Variants in ANXA6 observed in about 807,000 individuals in gnomAD.
ANXA6 encodes the protein annexin A6, also known as 67 kDa calelectrin.
A neutral mutation model predicts 95.4 loss-of-function variants in ANXA6; 71 were observed. The ratio of observed to expected loss-of-function variants is 0.74; its 90% CI spans 0.61 to 0.91. The LOEUF is 0.91. Among genes scored for constraint, ANXA6 ranks in the 40% least tolerant of loss-of-function variants. The pLI is 0.00. For synonymous variants in ANXA6, 289 were observed against 315.9 expected (o/e 0.91, Z 0.90); for missense variants, 830 against 876.4 (o/e 0.95, Z 0.67).
rs1765383918 is a variant in ANXA6 at position 151,128,217 on chromosome 5, T to C, written c.941A>G (p.Lys314Arg). 2 of 1,612,194 alleles carry C rather than the reference T, an allele frequency of 1.2e-6. No homozygotes were observed. The highest frequency in any genetic ancestry group is 8.5e-7 in the Non-Finnish European group (1 of 1,179,270). Residue 314 changes from lysine to arginine, a missense_variant, in exon 13 of 26, where the codon AAG becomes AGG. Coordinates refer to ENST00000354546, the MANE Select transcript of ANXA6 (RefSeq NM_001155.5). ...MIKNDTSGEY[K>R]KTLLKLSGGD... ...CCCAGACAGCTTCAGCAGAGTCTTCTTGTACTCGCCAGAGGTGTCATTCTG... is the reference window on the plus strand; with the variant it reads ...CCCAGACAGCTTCAGCAGAGTCTTCCTGTACTCGCCAGAGGTGTCATTCTG...
chr5:151,101,054 T>C lies in ANXA6; in HGVS notation c.*394A>G. ...CTTCCCACCACCCCGCCCAGCACAT[T>C]CAACTGGCCCCTGCCACCAACCCCC... On this transcript the variant is annotated 3_prime_UTR_variant, in exon 26 of 26. Transcript: ENST00000354546. 2.1e-6 allele frequency: 1 copy of C among 473,344 alleles called. No individual in the cohort carries two copies. Among genetic ancestry groups the C allele is most frequent in the Non-Finnish European group, 4.2e-6 (1 of 238,396 alleles). The allele number at this position is 473,344 out of a possible 1,614,324, so 29.3% of individuals were successfully genotyped here.
rs1252414140 is a variant in ANXA6, at chr5:151,133,155, T to C, written c.579A>G (p.Gly193=). The C allele has an allele frequency of 1.9e-6, 3 of 1,597,216 alleles. 1 individual carries two copies. The South Asian group carries it at 3.4e-5, about 18-fold the overall frequency. The change falls in exon 9 of 26, where the codon GGA becomes GGG. Residue 193 remains glycine, a synonymous_variant. Coordinates refer to ENST00000354546, the MANE Select transcript of ANXA6 (RefSeq NM_001155.5). ...TGTAAATGAACTGGGCTTCATCTGTTCCCCATTTCAGTTCCCCTGCCTCGT... is the reference window on the plus strand; with the variant it reads ...TGTAAATGAACTGGGCTTCATCTGTCCCCCATTTCAGTTCCCCTGCCTCGT... ...DLYEAGELKW[G]TDEAQFIYIL... is the part of the protein sequence containing the mutation.
chr5:151,110,068 C>A (rs1764807820), intron 21 of ANXA6, among the ~76,000 whole-genome samples: 1 of 152,166 alleles, frequency 6.6e-6, no homozygotes, highest in Non-Finnish European at 1.5e-5. Context: ...ACAAAGATGG[C>A]CTTAGCACTG....
intron 2 of ANXA6, among the ~76,000 whole-genome samples, chr5:151,145,449 T>A (rs761362169): frequency 6.6e-6 from 1 of 152,214 alleles, no homozygotes; most frequent in Admixed American, 6.5e-5. Context: ...CACAGCGCCA[T>A]GCCTCCTGGG....
Position 151,132,490 on chromosome 5 carries a change from A to G in ANXA6, c.722T>C (p.Leu241Pro). Residue 241 changes from leucine to proline, a missense_variant, in exon 10 of 26, where the codon CTA becomes CCA. Transcript: ENST00000354546. Reference protein sequence around the residue: ...RGELSGDFEKLMLAVVKCIRS... With the variant: ...RGELSGDFEKPMLAVVKCIRS... ...TCAGGACATACCTACGGCCAGCATT[A>G]GCTTCTCAAAGTCCCCAGACAGCTC... 6.2e-7 allele frequency: 1 copy of G among 1,612,610 alleles called. No individual in the cohort carries two copies. Among genetic ancestry groups the G allele is most frequent in the Non-Finnish European group, 8.5e-7 (1 of 1,179,422 alleles).
At chr5:151,104,313 A>G (rs1052568826) in intron 24 of ANXA6, among the ~76,000 whole-genome samples, 1 of 152,108 alleles carries the variant, frequency 6.6e-6, no homozygotes, top group African/African-American at 2.4e-5. Flanking sequence ...GGAAACTACC[A>G]CCGGGCCCAA....
At chr5:151,117,316 T>A (rs1765029147) in intron 19 of ANXA6, 136 bp from the exon 20 acceptor site, 3 of 805,436 alleles carry the variant, frequency 3.7e-6, no homozygotes, top group Middle Eastern at 2.4e-4. Flanking sequence ...AAATCCTGCC[T>A]CTATAAGGTA....
chr5:151,134,523 A>C lies in ANXA6; in HGVS notation c.490-40T>G, dbSNP rs759103349. 6.2e-6 allele frequency: 10 copies of C among 1,610,596 alleles called. No homozygotes were observed. The South Asian group carries it at 1.1e-4, about 18-fold the overall frequency. On this transcript the variant is annotated intron_variant, in intron 7 of 25. Transcript: ENST00000354546. ...AAAGAACATGTGTTTCAAACACTGC[A>C]AAGTCAGGAGGGAGGCCTGGATGCC...
rs1765694020 is a variant in ANXA6, at chr5:151,137,315, C to T, written c.325G>A (p.Gly109Ser). 5.0e-6 allele frequency: 8 copies of T among 1,612,406 alleles called. No individual in the cohort carries two copies. The highest frequency in any genetic ancestry group is 6.8e-6 in the Non-Finnish European group (8 of 1,179,326). ...TCAATGAGGCACTTCTCATCAGTGC[C>T]AATGCCCTGGGGGTAGAAAAAGAGC... ...KEIKDAISGIGTDEKCLIEIL... is the reference protein window; with the variant it reads ...KEIKDAISGISTDEKCLIEIL... Residue 109 changes from glycine (G) to serine (S), a missense_variant, in exon 6 of 26, where the codon GGC (glycine) becomes AGC (serine). Transcript: ENST00000354546.
Position 151,137,215 on chromosome 5 carries a change from C to T in ANXA6, c.409+16G>A, listed in dbSNP as rs748255325. ...TGTATCTGAAGATCCTAAGCGGCCC[C>T]TCCTGCCCATCTCACCATCTTTGTA... On this transcript the variant is annotated intron_variant, in intron 6 of 25. Transcript: ENST00000354546. 3 of 1,611,740 alleles carry T rather than the reference C, an allele frequency of 1.9e-6. No homozygotes were observed. The highest frequency in any genetic ancestry group is 1.7e-5 in the Admixed American group (1 of 59,922).
At position 151,109,815 on chromosome 5, in the gene ANXA6, G is replaced by T. The variant is rs1161351351; in HGVS notation, c.1622C>A (p.Thr541Asn). The T allele has an allele frequency of 1.2e-5, 19 of 1,611,018 alleles. No individual in the cohort carries two copies. The highest frequency in any genetic ancestry group is 1.6e-5 in the Non-Finnish European group (19 of 1,178,504). The change falls in exon 22 of 26, where the codon ACT becomes AAT. Residue 541 changes from threonine to asparagine, a missense_variant. Physicochemically the swap from Thr to Asn is moderately conservative, Grantham distance 65. Transcript: ENST00000354546. ...EIADTPSGDK[T>N]SLETRFMTIL... ...CGTCATGAAACGTGTCTCCAAGGAA[G>T]TTTTGTCTCCACTAGGTGTGTCTGC...
intron 18 of ANXA6, among the ~76,000 whole-genome samples, chr5:151,118,261 C>CT (rs11452926): frequency 0.32 from 45,179 of 142,314 alleles, 7,224 homozygotes; most frequent in South Asian, 0.54. Flanking sequence ...AAAATGTAAA[C>CT]TTTTTTTTTT....
At chr5:151,129,555 C>A in intron 11 of ANXA6, 26 bp from the exon 12 acceptor site, 1 of 1,582,820 alleles carries the variant, frequency 6.3e-7, no homozygotes. Flanking sequence ...GTTTGGGGAA[C>A]ATGGACTTGA....
At chr5:151,147,444 G>A (rs1766001104) in intron 2 of ANXA6, among the ~76,000 whole-genome samples, 1 of 152,218 alleles carries the variant, frequency 6.6e-6, no homozygotes, top group Non-Finnish European at 1.5e-5. Context: ...GAATCACTGG[G>A]CATGAGTTAT....
chr5:151,112,469 T>C (rs1764877193), intron 20 of ANXA6, among the ~76,000 whole-genome samples: 1 of 152,194 alleles, frequency 6.6e-6, no homozygotes, highest in Admixed American at 6.5e-5. Context: ...AATTTAAATG[T>C]TAAATAAGAG....
intron 18 of ANXA6, 86 bp downstream of exon 18, chr5:151,119,214 G>A (rs1765090773): frequency 3.5e-6 from 4 of 1,134,586 alleles, no homozygotes; most frequent in African/African-American, 1.5e-5. Context: ...ACAGGCCAGA[G>A]TCCTGGGCAG....
intron 3 of ANXA6, 64 bp from the exon 4 acceptor site, chr5:151,139,511 C>T: frequency 8.6e-7 from 1 of 1,160,794 alleles, no homozygotes; most frequent in Non-Finnish European, 1.3e-6. Context: ...ACCAGGGCCA[C>T]TTCCTTCCCT....
intron 17 of ANXA6, among the ~76,000 whole-genome samples, chr5:151,120,837 C>A (rs1765147847): frequency 6.6e-6 from 1 of 152,204 alleles, no homozygotes; most frequent in South Asian, 2.1e-4. Context: ...TGATTGAGAT[C>A]TTCAATCATT....
intron 25 of ANXA6, among the ~76,000 whole-genome samples, chr5:151,102,307 C>A (rs1169812972): frequency 6.6e-6 from 1 of 152,172 alleles, no homozygotes; most frequent in Non-Finnish European, 1.5e-5. Context: ...TAAGAGACTG[C>A]CTCTGAGATG....
Sources: gnomAD v4.1 joint callset for allele counts (sites outside exome capture counted in the v4.1 genomes callset) on GRCh38, gnomAD v4.1.1 for gene constraint, MANE v1.5 for transcripts, NCBI Gene and HGNC (gene_info 2026-07-23, HGNC 2026-07-21) for gene names.